ADAMTS5: variants seen among roughly 807,000 people sequenced by gnomAD.
ADAMTS5 encodes the protein A disintegrin and metalloproteinase with thrombospondin motifs 5.
ADAMTS5 carries 54 observed loss-of-function variants against 81.4 expected under a neutral mutation model. That is an observed-to-expected ratio of 0.66 (90% confidence interval 0.53 to 0.83). ADAMTS5 has a LOEUF of 0.83. Among genes scored for constraint, ADAMTS5 ranks in the 40% least tolerant of loss-of-function variants. The probability of loss-of-function intolerance (pLI) is 0.00; values close to 1 mark genes in which losing one functional copy is unlikely to be tolerated. For missense variants in ADAMTS5, 1,194 were observed against 1,229.9 expected, an observed-to-expected ratio of 0.97 and a Z score of 0.44; for synonymous variants, 532 against 508.8, an observed-to-expected ratio of 1.05 and a Z score of -0.61.
chr21:26,965,751 G>A lies in ADAMTS5; in HGVS notation c.641C>T (p.Ser214Phe), dbSNP rs1189097967. 1.3e-6 allele frequency: 2 copies of A among 1,597,592 alleles called. No individual in the cohort carries two copies. The highest frequency in any genetic ancestry group is 1.1e-5 in the South Asian group (1 of 88,546). ...AGCATGCTCGTGGGCCTCCGGTGTG[G>A]ACGCGGGGGTTTCGCAGCTGGCGCG... The part of the protein sequence containing the change: ...PPRASCETPA[S>F]TPEAHEHAPA... Residue 214 changes from serine to phenylalanine, a missense_variant, in exon 1 of 8, where the codon TCC becomes TTC. Ser to Phe is a radical substitution (Grantham distance 155). This residue lies in a region of ADAMTS5 where 498 missense variants were observed against 412.3 expected (regional missense o/e 1.21). Transcript: ENST00000284987.
chr21:26,928,384 A>G (rs1986841720), intron 7 of ADAMTS5, among the ~76,000 whole-genome samples: 1 of 152,228 alleles, frequency 6.6e-6, no homozygotes, highest in South Asian at 2.1e-4. Context: ...GTTACATTGC[A>G]TACCACTTGT....
chr21:26,964,644 TG>T (rs1568855036), intron 1 of ADAMTS5, among the ~76,000 whole-genome samples: 1 of 152,194 alleles, frequency 6.6e-6, no homozygotes, highest in Non-Finnish European at 1.5e-5. Context: ...CTCATCTGAT[TG>T]GGTCTCTGTA....
At position 26,966,247 on chromosome 21, in the gene ADAMTS5, C is replaced by A. The variant is rs751546669; in HGVS notation, c.145G>T (p.Glu49Ter). 6.3e-7 allele frequency: 1 copy of A among 1,597,980 alleles called. No homozygotes were observed. The highest frequency in any genetic ancestry group is 8.5e-7 in the Non-Finnish European group (1 of 1,174,634). ...AAAQPRRRQG[E>*]EVQERAEPPG... The stretch of plus-strand genomic sequence containing the variant: ...GGCTCGGCTCGCTCCTGCACCTCCT[C>A]CCCCTGCCGCCGGCGGGGCTGGGCG... Residue 49 changes from glutamate to a stop codon, truncating the protein, a stop_gained, in exon 1 of 8, where the codon GAG becomes TAG. Coordinates refer to ENST00000284987, the MANE Select transcript of ADAMTS5 (RefSeq NM_007038.5). LOFTEE classifies it high-confidence loss of function.
At chr21:26,938,339 G>A (rs946008563) in intron 3 of ADAMTS5, among the ~76,000 whole-genome samples, 2 of 152,000 alleles carry the variant, frequency 1.3e-5, no homozygotes, top group African/African-American at 4.8e-5. Flanking sequence ...CTTAAAATAA[G>A]GCAAAAAAAT....
At position 26,919,269 on chromosome 21, in the gene ADAMTS5, G is replaced by C. The variant is rs2123225050; in HGVS notation, c.*4784C>G. ...TACAAATCACAGTTTTCCTCACAGTGTTAGACTTTTAGGTCACTCTGATGT... is the reference window on the plus strand; with the variant it reads ...TACAAATCACAGTTTTCCTCACAGTCTTAGACTTTTAGGTCACTCTGATGT... On this transcript the variant is annotated 3_prime_UTR_variant, in exon 8 of 8. Transcript: ENST00000284987. 6.8e-6 allele frequency: 1 copy of C among 147,660 alleles called. No homozygotes were observed. Among genetic ancestry groups the C allele is most frequent in the Non-Finnish European group, 1.5e-5 (1 of 66,856 alleles). The allele number at this position is 147,660 out of a possible 1,614,324, so 9.1% of individuals were successfully genotyped here.
intron 6 of ADAMTS5, among the ~76,000 whole-genome samples, chr21:26,930,721 T>C (rs573600566): frequency 6.6e-6 from 1 of 152,328 alleles, no homozygotes; most frequent in East Asian, 1.9e-4. Flanking sequence ...GGCTTGTGCA[T>C]GTGAGTATAT....
intron 3 of ADAMTS5, chr21:26,939,679 C>G (rs1359503789): frequency 6.6e-6 from 1 of 152,236 alleles, no homozygotes; most frequent in African/African-American, 2.4e-5. Flanking sequence ...CATGGCCTTT[C>G]TCATCATCTG....
intron 1 of ADAMTS5, among the ~76,000 whole-genome samples, chr21:26,957,341 A>G (rs1987445792): frequency 6.6e-6 from 1 of 152,188 alleles, no homozygotes; most frequent in African/African-American, 2.4e-5. Context: ...GTATATGTGT[A>G]TATGTGTATA....
chr21:26,942,441 A>G (rs142379619), intron 3 of ADAMTS5, among the ~76,000 whole-genome samples: 200 of 152,302 alleles, frequency 1.3e-3, no homozygotes, highest in African/African-American at 4.4e-3. Context: ...CAATTTAACT[A>G]CTAGTTTTAG....
intron 1 of ADAMTS5, among the ~76,000 whole-genome samples, chr21:26,961,328 C>T (rs917029362): frequency 6.6e-6 from 1 of 152,242 alleles, no homozygotes; most frequent in African/African-American, 2.4e-5. Context: ...AATCTAAATC[C>T]AATCTATCCA....
intron 7 of ADAMTS5, among the ~76,000 whole-genome samples, chr21:26,925,549 T>C (rs915315105): frequency 2.6e-5 from 4 of 152,192 alleles, no homozygotes; most frequent in African/African-American, 9.7e-5. Flanking sequence ...GAAATGCTAA[T>C]TAAGCACCAA....
At chr21:26,926,578 C>A (rs1182094710) in intron 7 of ADAMTS5, among the ~76,000 whole-genome samples, 1 of 150,846 alleles carries the variant, frequency 6.6e-6, no homozygotes, top group East Asian at 2.0e-4. Context: ...GAGGCTGAGG[C>A]AGGAGAATCG....
At position 26,920,894 on chromosome 21, in the gene ADAMTS5, T is replaced by C. The variant is rs979242838; in HGVS notation, c.*3159A>G. On this transcript the variant is annotated 3_prime_UTR_variant, in exon 8 of 8. Coordinates refer to ENST00000284987, the MANE Select transcript of ADAMTS5 (RefSeq NM_007038.5). ...ATGATAGTATCAGAATAAGAATACA[T>C]GAGGAATATATACATATACACCTGC... 2 of 152,386 alleles carry C rather than the reference T, an allele frequency of 1.3e-5. No homozygotes were observed. Among genetic ancestry groups the C allele is most frequent in the African/African-American group, 4.8e-5 (2 of 41,404 alleles). The allele number at this position is 152,386 out of a possible 1,614,324, so 9.4% of individuals were successfully genotyped here.
At chr21:26,954,222 G>A (rs989549326) in intron 2 of ADAMTS5, among the ~76,000 whole-genome samples, 7 of 152,178 alleles carry the variant, frequency 4.6e-5, no homozygotes, top group Admixed American at 1.3e-4. Context: ...AAACCCTGTT[G>A]AGTGTCAGGC....
Position 26,924,323 on chromosome 21 carries a change from T to A in ADAMTS5, c.2523A>T (p.Lys841Asn), listed in dbSNP as rs764661030. The change falls in exon 8 of 8, where the codon AAA (lysine) becomes AAT (asparagine). Residue 841 changes from lysine to asparagine, a missense_variant. Coordinates refer to ENST00000284987, the MANE Select transcript of ADAMTS5 (RefSeq NM_007038.5). ...IVQILATDPT[K>N]PLDVRYSFFV... is the part of the protein sequence containing the mutation. ...AAAAGCTATAACGGACATCTAATGG[T>A]TTAGTGGGGTCTGTTGCAAGAATCT... 1.2e-6 allele frequency: 2 copies of A among 1,614,142 alleles called. No homozygotes were observed. Among genetic ancestry groups the A allele is most frequent in the Admixed American group, 3.3e-5 (2 of 60,014 alleles).
At chr21:26,943,852 C>T (rs183116303) in intron 2 of ADAMTS5, among the ~76,000 whole-genome samples, 11 of 152,198 alleles carry the variant, frequency 7.2e-5, no homozygotes, top group East Asian at 1.9e-4. Flanking sequence ...CTAGAGTTTG[C>T]GAGACAATTG....
At chr21:26,932,201 G>C (rs1432922307) in intron 5 of ADAMTS5, 22 bp from the exon 6 acceptor site, 3 of 1,605,620 alleles carry the variant, frequency 1.9e-6, no homozygotes, top group Non-Finnish European at 2.6e-6. Flanking sequence ...ACATGTTTCA[G>C]TATTACCTTA....
rs1987624392 is a variant in ADAMTS5 at position 26,965,511 on chromosome 21, AG to A, written c.880del (p.Leu294TrpfsTer23). Reference sequence around the variant, plus strand: ...GTACAGCCTATTGGCGATGGAGGCCAGGGTCAGCAGGTAATGCTGCAGGCCC... The same window carrying A: ...GTACAGCCTATTGGCGATGGAGGCCAGGTCAGCAGGTAATGCTGCAGGCCC... ...GRGLQHYLLTLASIANRLYSH... is the reference protein window; with the variant it reads ...GRGLQHYLLTXASIANRLYSH... On this transcript the variant is annotated frameshift_variant, in exon 1 of 8. Transcript: ENST00000284987. LOFTEE classifies it high-confidence loss of function. The A allele has an allele frequency of 1.9e-6, 3 of 1,614,072 alleles. No individual in the cohort carries two copies. Among genetic ancestry groups the A allele is most frequent in the Non-Finnish European group, 2.5e-6 (3 of 1,180,020 alleles).
chr21:26,964,524 C>G (rs915024611), intron 1 of ADAMTS5, among the ~76,000 whole-genome samples: 6 of 152,206 alleles, frequency 3.9e-5, no homozygotes, highest in African/African-American at 9.6e-5. Context: ...AACCCAAACA[C>G]GCAAACGGGA....
Sources: gnomAD v4.1 joint callset for allele counts (sites outside exome capture counted in the v4.1 genomes callset) on GRCh38, gnomAD v4.1.1 for gene constraint, gnomAD v4.1.1 regional missense constraint, MANE v1.5 for transcripts, NCBI Gene and HGNC (gene_info 2026-07-23, HGNC 2026-07-21) for gene names.